NR5A2: variants seen among roughly 807,000 people sequenced by gnomAD.
NR5A2 encodes nuclear receptor subfamily 5 group A member 2, also known as CYP7A promoter-binding factor.
Under a neutral mutation model 62.7 loss-of-function variants are expected in NR5A2, and 26 were observed. The ratio of observed to expected loss-of-function variants is 0.41; its 90% CI spans 0.30 to 0.58. The LOEUF (loss-of-function observed/expected upper bound fraction) is 0.58, where lower values mean the gene tolerates loss of function less well. NR5A2 is among the 20% of genes least tolerant of loss of function. The pLI, the probability that NR5A2 is intolerant of heterozygous loss-of-function variation, is 0.22. For missense variants in NR5A2, 541 were observed against 669.1 expected, an observed-to-expected ratio of 0.81 and a Z score of 2.11; for synonymous variants, 246 against 241.7, an observed-to-expected ratio of 1.02 and a Z score of -0.16.
chr1:200,124,759 G>T (rs2821334), intron 7 of NR5A2, among the ~76,000 whole-genome samples: 69,884 of 151,746 alleles, frequency 0.46, 16,287 homozygotes, highest in East Asian at 0.68. Context: ...GGCAACATAG[G>T]GAGACCCCAT....
chr1:200,176,274 C>T lies in NR5A2; in HGVS notation c.*2064C>T, dbSNP rs895515882. On this transcript the variant is annotated 3_prime_UTR_variant, in exon 8 of 8. Transcript: ENST00000367362. ...TGTATACCAAAGATATTAGTTATTACTTCTGTGTGTACAAAGAGGATTATT... is the reference window on the plus strand; with the variant it reads ...TGTATACCAAAGATATTAGTTATTATTTCTGTGTGTACAAAGAGGATTATT... 3 of 152,594 alleles carry T rather than the reference C, an allele frequency of 2.0e-5. No individual in the cohort carries two copies. The highest frequency in any genetic ancestry group is 4.4e-5 in the Non-Finnish European group (3 of 68,032). 9.5% of individuals were successfully genotyped at this position (152,594 alleles called of 1,614,324 possible). A position where few individuals can be genotyped will look rare whatever the true frequency, so the allele number is the denominator to read the frequency against.
intron 7 of NR5A2, among the ~76,000 whole-genome samples, chr1:200,131,576 T>C (rs1666971032): frequency 6.6e-6 from 1 of 152,218 alleles, no homozygotes; most frequent in Non-Finnish European, 1.5e-5. Flanking sequence ...TGCCATGTGC[T>C]CTTGGTTGAT....
At chr1:200,114,203 G>A (rs1472048645) in intron 6 of NR5A2, among the ~76,000 whole-genome samples, 1 of 144,112 alleles carries the variant, frequency 6.9e-6, no homozygotes, top group Non-Finnish European at 1.5e-5. Context: ...ATAGAAAAGA[G>A]GTGGAAGCTA....
At chr1:200,171,475 G>T (rs539903455) in intron 7 of NR5A2, among the ~76,000 whole-genome samples, 1 of 152,166 alleles carries the variant, frequency 6.6e-6, no homozygotes, top group Non-Finnish European at 1.5e-5. Flanking sequence ...GAGGCTGGAC[G>T]CAGTAGCTCA....
chr1:200,066,000 G>T (rs988237796), intron 5 of NR5A2, among the ~76,000 whole-genome samples: 1 of 152,180 alleles, frequency 6.6e-6, no homozygotes, highest in Non-Finnish European at 1.5e-5. Flanking sequence ...AGCTCCTGGA[G>T]GGCTTGGATT....
intron 5 of NR5A2, among the ~76,000 whole-genome samples, chr1:200,077,907 T>C (rs1217107492): frequency 2.0e-5 from 3 of 152,154 alleles, no homozygotes; most frequent in Non-Finnish European, 4.4e-5. Context: ...CTGTTAACAT[T>C]ATTTGAGTAT....
chr1:200,031,552 ATTTCTT>A (rs1661549140), intron 1 of NR5A2, among the ~76,000 whole-genome samples: 1 of 134,350 alleles, frequency 7.4e-6, no homozygotes, highest in African/African-American at 2.8e-5. Context: ...CAAAAAAAGG[ATTTCTT>A]TTTCTTTAAC....
chr1:200,067,948 A>G (rs1663570586), intron 5 of NR5A2, among the ~76,000 whole-genome samples: 1 of 152,148 alleles, frequency 6.6e-6, no homozygotes. Context: ...CACTCCTTGT[A>G]TTTAAAGTGT....
intron 5 of NR5A2, among the ~76,000 whole-genome samples, chr1:200,078,487 C>T (rs1000251318): frequency 3.3e-5 from 5 of 152,152 alleles, no homozygotes; most frequent in Admixed American, 3.3e-4. Context: ...TTTCTAGACC[C>T]AACAGAGAAT....
intron 7 of NR5A2, among the ~76,000 whole-genome samples, chr1:200,143,638 ATTTTT>A (rs11285826): frequency 1.9e-5 from 2 of 103,294 alleles, no homozygotes; most frequent in South Asian, 3.2e-4. Context: ...ATTGTTCATA[ATTTTT>A]TTTTTTTTTT....
At chr1:200,164,854 A>AT (rs1418078725) in intron 7 of NR5A2, among the ~76,000 whole-genome samples, 1 of 63,870 alleles carries the variant, frequency 1.6e-5, no homozygotes, top group Non-Finnish European at 3.4e-5. Flanking sequence ...GGCCAACTTT[A>AT]TTTTTTAGAG....
chr1:200,064,977 G>T (rs537863925), intron 5 of NR5A2, among the ~76,000 whole-genome samples: 1 of 152,008 alleles, frequency 6.6e-6, no homozygotes, highest in South Asian at 2.1e-4. Context: ...TAGATATGGG[G>T]CCTAGCTATG....
At chr1:200,153,709 C>G (rs2102367842) in intron 7 of NR5A2, among the ~76,000 whole-genome samples, 1 of 151,514 alleles carries the variant, frequency 6.6e-6, no homozygotes, top group Middle Eastern at 3.4e-3. Flanking sequence ...TGAAAATGTA[C>G]TAAGAATGAG....
At chr1:200,071,282 T>G (rs1005656273) in intron 5 of NR5A2, among the ~76,000 whole-genome samples, 1 of 152,218 alleles carries the variant, frequency 6.6e-6, no homozygotes, top group Non-Finnish European at 1.5e-5. Flanking sequence ...CCCTGTCTCA[T>G]TTCACCTTAG....
intron 5 of NR5A2, among the ~76,000 whole-genome samples, chr1:200,086,976 T>G (rs1459354474): frequency 6.6e-6 from 1 of 151,928 alleles, no homozygotes; most frequent in African/African-American, 2.4e-5. Flanking sequence ...GAGGTGGAGG[T>G]TGCCATGAGC....
chr1:200,096,436 T>A (rs1292025997), intron 5 of NR5A2, among the ~76,000 whole-genome samples: 1 of 152,128 alleles, frequency 6.6e-6, no homozygotes, highest in East Asian at 1.9e-4. Flanking sequence ...AGTTGTATGA[T>A]CAGCTATGGA....
chr1:200,032,637 G>A (rs1661589097), intron 1 of NR5A2, among the ~76,000 whole-genome samples: 2 of 152,090 alleles, frequency 1.3e-5, no homozygotes, highest in African/African-American at 4.8e-5. Flanking sequence ...GAGTTTGAGT[G>A]AAGCTAAGGG....
At chr1:200,113,764 TACA>T (rs950298025) in intron 6 of NR5A2, among the ~76,000 whole-genome samples, 4 of 152,178 alleles carry the variant, frequency 2.6e-5, no homozygotes, top group Non-Finnish European at 4.4e-5. Context: ...AGATTTTTGC[TACA>T]ACAACATTAC....
chr1:200,095,304 A>G (rs80158186), intron 5 of NR5A2, among the ~76,000 whole-genome samples: 3,803 of 152,086 alleles, frequency 0.025, 176 homozygotes, highest in African/African-American at 0.088. Context: ...AGTAATTGAA[A>G]TAGCAATGAG....
Sources: gnomAD v4.1 joint callset for allele counts (sites outside exome capture counted in the v4.1 genomes callset) on GRCh38, gnomAD v4.1.1 for gene constraint, MANE v1.5 for transcripts, NCBI Gene and HGNC (gene_info 2026-07-23, HGNC 2026-07-21) for gene names.